FBXL20: variants seen among roughly 807,000 people sequenced by gnomAD.
FBXL20 encodes the protein F-box and leucine rich repeat protein 20, also known as F-box/LRR-repeat protein 20.
Under a neutral mutation model 64.0 loss-of-function variants are expected in FBXL20, and 11 were observed. The ratio of observed to expected loss-of-function variants is 0.17; its 90% confidence interval spans 0.11 to 0.28. FBXL20 has a LOEUF of 0.28. Among genes scored for constraint, FBXL20 ranks in the 10% least tolerant of loss-of-function variants. The probability of loss-of-function intolerance (pLI) is 1.00; values close to 1 mark genes in which losing one functional copy is unlikely to be tolerated. For missense variants in FBXL20, 303 were observed against 526.2 expected (o/e 0.58, Z 4.15); for synonymous variants, 184 against 189.0 (o/e 0.97, Z 0.22).
rs779971947 is a variant in FBXL20, at chr17:39,261,484, G to A, written c.1287C>T (p.Phe429=). The change falls in exon 15 of 15, where the codon TTC becomes TTT. Residue 429 remains phenylalanine, a synonymous_variant. Coordinates refer to ENST00000264658, the MANE Select transcript of FBXL20 (RefSeq NM_032875.3). ...PPSVGGSRQR[F]CRCCIIL Reference sequence around the variant, plus strand: ...GTCATAGGATGATGCAGCATCTGCAGAAGCGCTGTCTGCTGCCCCCTACTG... The same window carrying A: ...GTCATAGGATGATGCAGCATCTGCAAAAGCGCTGTCTGCTGCCCCCTACTG... The A allele has an allele frequency of 3.1e-6, 5 of 1,613,864 alleles. No individual in the cohort carries two copies. The highest frequency in any genetic ancestry group is 4.2e-6 in the Non-Finnish European group (5 of 1,179,846).
chr17:39,401,874 G>T, upstream of FBXL20: 1 of 401,356 alleles, frequency 2.5e-6, no homozygotes, highest in Non-Finnish European at 4.0e-6. Context: ...AGCCCATCGG[G>T]AGAAGGCGAG....
intron 1 of FBXL20, among the ~76,000 whole-genome samples, chr17:39,378,944 T>C (rs1597830563): frequency 7.0e-6 from 1 of 143,696 alleles, no homozygotes; most frequent in Non-Finnish European, 1.5e-5. Flanking sequence ...AAAACGAAAA[T>C]AGGCCAGGCA....
intron 6 of FBXL20, 113 bp downstream of exon 6, chr17:39,297,014 C>A: frequency 1.8e-6 from 1 of 571,374 alleles, no homozygotes; most frequent in African/African-American, 1.9e-5. Flanking sequence ...AATATCTTTC[C>A]TCTACAAAAC....
chr17:39,355,955 C>T (rs559929048), intron 1 of FBXL20, among the ~76,000 whole-genome samples: 2 of 151,554 alleles, frequency 1.3e-5, no homozygotes, highest in Non-Finnish European at 2.9e-5. Context: ...GTGGCTCACA[C>T]CTGTAATCCC....
chr17:39,362,058 C>T (rs556283934), intron 1 of FBXL20, among the ~76,000 whole-genome samples: 11 of 149,224 alleles, frequency 7.4e-5, no homozygotes, highest in African/African-American at 1.5e-4. Context: ...GAGGCCAAGG[C>T]GGGCAGATCA....
intron 2 of FBXL20, among the ~76,000 whole-genome samples, chr17:39,309,888 C>G (rs11654543): frequency 6.6e-6 from 1 of 151,118 alleles, no homozygotes; most frequent in East Asian, 1.9e-4. Flanking sequence ...GTGGCTCACA[C>G]CTGTAATCCC....
intron 6 of FBXL20, among the ~76,000 whole-genome samples, chr17:39,293,544 T>C (rs540075646): frequency 1.1e-4 from 17 of 152,096 alleles, no homozygotes; most frequent in African/African-American, 4.1e-4. Context: ...ATAAAATAAA[T>C]AAAAAAATAA....
chr17:39,303,660 G>C, intron 2 of FBXL20, 21 bp from the exon 3 acceptor site: 1 of 1,594,376 alleles, frequency 6.3e-7, no homozygotes, highest in Non-Finnish European at 8.6e-7. Context: ...AAGAGAGAAA[G>C]ACAAATTTTA....
At chr17:39,392,735 G>A (rs1310464091) in intron 1 of FBXL20, among the ~76,000 whole-genome samples, 1 of 151,866 alleles carries the variant, frequency 6.6e-6, no homozygotes, top group African/African-American at 2.4e-5. Context: ...AACTGAGGCT[G>A]GGCGAGGCGG....
intron 1 of FBXL20, among the ~76,000 whole-genome samples, chr17:39,377,059 A>G (rs1044129706): frequency 2.2e-4 from 34 of 152,172 alleles, no homozygotes; most frequent in African/African-American, 7.5e-4. Context: ...CCTGGGGACT[A>G]GATTGCCTCT....
At chr17:39,373,107 T>C (rs1234828287) in intron 1 of FBXL20, among the ~76,000 whole-genome samples, 1 of 152,136 alleles carries the variant, frequency 6.6e-6, no homozygotes, top group African/African-American at 2.4e-5. Context: ...CCATTTTTAA[T>C]GCTCAGCTCA....
intron 1 of FBXL20, among the ~76,000 whole-genome samples, chr17:39,395,840 G>A (rs572557147): frequency 6.6e-6 from 1 of 152,240 alleles, no homozygotes; most frequent in East Asian, 1.9e-4. Flanking sequence ...GTAGAGAGAA[G>A]CTCTGGCATT....
intron 2 of FBXL20, among the ~76,000 whole-genome samples, chr17:39,337,230 C>G (rs974626079): frequency 7.9e-5 from 12 of 152,208 alleles, no homozygotes; most frequent in African/African-American, 2.9e-4. Flanking sequence ...ACGAGTGATC[C>G]GCCAGCCTCG....
intron 6 of FBXL20, among the ~76,000 whole-genome samples, chr17:39,287,392 C>A (rs758391516): frequency 2.8e-4 from 43 of 152,054 alleles, no homozygotes; most frequent in Admixed American, 6.6e-4. Context: ...TTTGTGTGGG[C>A]CAATGTTTTC....
intron 1 of FBXL20, among the ~76,000 whole-genome samples, chr17:39,372,353 T>C (rs1384210561): frequency 1.3e-5 from 2 of 151,272 alleles, no homozygotes; most frequent in African/African-American, 4.9e-5. Flanking sequence ...ACCCCGTCTC[T>C]ACTTAAAATA....
At chr17:39,265,839 C>T (rs992061726) in intron 12 of FBXL20, among the ~76,000 whole-genome samples, 5 of 151,972 alleles carry the variant, frequency 3.3e-5, no homozygotes, top group African/African-American at 1.2e-4. Context: ...ACCTCCCAGG[C>T]TCAAGCCATC....
At chr17:39,339,241 TAAGAA>T (rs1411152470) in intron 2 of FBXL20, among the ~76,000 whole-genome samples, 1 of 134,446 alleles carries the variant, frequency 7.4e-6, no homozygotes, top group Non-Finnish European at 1.6e-5. Flanking sequence ...ATAAAAAAAA[TAAGAA>T]AATTAGCCAG....
intron 2 of FBXL20, among the ~76,000 whole-genome samples, chr17:39,310,604 T>C (rs1398348976): frequency 6.6e-6 from 1 of 151,962 alleles, no homozygotes; most frequent in African/African-American, 2.4e-5. Context: ...CCCCAGCACT[T>C]TGGGAGGCTA....
At chr17:39,347,283 G>T (rs1156978192) in intron 1 of FBXL20, among the ~76,000 whole-genome samples, 3 of 152,150 alleles carry the variant, frequency 2.0e-5, no homozygotes, top group African/African-American at 7.2e-5. Flanking sequence ...TTCCACAATG[G>T]TTGAACTAGT....
Sources: allele counts gnomAD v4.1 joint callset (sites outside exome capture counted in the v4.1 genomes callset), GRCh38; gene constraint gnomAD v4.1.1; transcripts MANE v1.5; gene names NCBI Gene and HGNC (gene_info 2026-07-23, HGNC 2026-07-21).